Variants in ALG8 observed in about 807,000 individuals in gnomAD.
The protein encoded by ALG8 is ALG8 alpha-1,3-glucosyltransferase, also known as dolichyl pyrophosphate Glc1Man9GlcNAc2 alpha-1,3-glucosyltransferase.
A neutral mutation model predicts 70.2 loss-of-function variants in ALG8; 48 were observed. The observed-to-expected ratio is 0.68, with a 90% CI of 0.54 to 0.87. The LOEUF is 0.87. Ranked by LOEUF, ALG8 falls within the 40% of genes least tolerant of loss-of-function variation. ALG8 has a pLI of 0.00. For missense variants in ALG8, 572 were observed against 608.7 expected (o/e 0.94, Z 0.64); for synonymous variants, 234 against 229.0 (o/e 1.02, Z -0.20).
At chr11:78,121,600 G>A (rs1860829340) in intron 3 of ALG8, among the ~76,000 whole-genome samples, 1 of 150,978 alleles carries the variant, frequency 6.6e-6, no homozygotes. Flanking sequence ...CAAGGACCTC[G>A]GGGCCTGTTC....
intron 2 of ALG8, among the ~76,000 whole-genome samples, chr11:78,126,163 A>T (rs10899441): frequency 0.44 from 67,432 of 151,648 alleles, 15,076 homozygotes; most frequent in Non-Finnish European, 0.46. Flanking sequence ...CGTCTCAAAA[A>T]AAAAAGAAGA....
intron 3 of ALG8, among the ~76,000 whole-genome samples, chr11:78,123,730 C>A (rs1461496989): frequency 1.3e-5 from 2 of 152,178 alleles, no homozygotes; most frequent in African/African-American, 4.8e-5. Context: ...TGGAGCTATT[C>A]TGGGTGGGAG....
intron 3 of ALG8, among the ~76,000 whole-genome samples, chr11:78,121,800 C>A (rs945266873): frequency 1.3e-5 from 2 of 152,058 alleles, no homozygotes; most frequent in Non-Finnish European, 2.9e-5. Context: ...TAATACCAGC[C>A]AAATTAAGAA....
chr11:78,112,587 T>C (rs958037817), intron 8 of ALG8, 63 bp downstream of exon 8: 1 of 1,604,008 alleles, frequency 6.2e-7, no homozygotes, highest in Non-Finnish European at 8.5e-7. Flanking sequence ...GTTTTTCCAT[T>C]TCTCCATGTG....
rs117882764 is a variant in ALG8, at chr11:78,133,999, G to A, written c.95+5495C>T. 2.6e-4 allele frequency among the ~76,000 whole-genome samples: 40 copies of A among 152,056 alleles called. No individual in the cohort carries two copies. The East Asian group carries it at 5.2e-3, about 20-fold the overall frequency. ...CACCTTCATTTTAAAATACTTTATC[G>A]CTAAAACAAAGCTAATGATCATCTG... On this transcript the variant is annotated intron_variant, in intron 1 of 12. Transcript: ENST00000299626.
In ALG8 at chr11:78,113,670, G is replaced by A. The variant is rs553756974; in HGVS notation, c.777+216C>T. 5.5e-5 allele frequency among the ~76,000 whole-genome samples: 8 copies of A among 146,188 alleles called. No individual in the cohort carries two copies. In the East Asian group the frequency reaches 1.6e-3, roughly 29 times the overall value. Reference sequence around the variant, plus strand: ...GGAGGTTGCAGTGAGCCGAGATCACGCCACTGCATTCCAGCCTGGGCGACA... The same window carrying A: ...GGAGGTTGCAGTGAGCCGAGATCACACCACTGCATTCCAGCCTGGGCGACA... On this transcript the variant is annotated intron_variant, in intron 7 of 12. Coordinates refer to ENST00000299626, the MANE Select transcript of ALG8 (RefSeq NM_024079.5).
chr11:78,118,398 T>A (rs1488029969), intron 5 of ALG8, among the ~76,000 whole-genome samples: 1 of 151,766 alleles, frequency 6.6e-6, no homozygotes, highest in Non-Finnish European at 1.5e-5. Context: ...GGCGGAACAC[T>A]TGAGGTCAGG....
intron 1 of ALG8, chr11:78,139,194 A>T (rs1861688151): frequency 4.5e-6 from 2 of 439,684 alleles, no homozygotes; most frequent in Non-Finnish European, 8.4e-6. Context: ...GGCATCTGAT[A>T]ATACTGGCTG....
chr11:78,123,448 A>T (rs1025434231), intron 3 of ALG8, among the ~76,000 whole-genome samples: 7 of 152,192 alleles, frequency 4.6e-5, no homozygotes, highest in African/African-American at 1.7e-4. Flanking sequence ...AAATTAACTT[A>T]TAAGTAAAAG....
chr11:78,113,850 A>G, intron 7 of ALG8, 36 bp downstream of exon 7: 2 of 1,420,662 alleles, frequency 1.4e-6, no homozygotes, highest in Non-Finnish European at 1.9e-6. Flanking sequence ...AACAAAGAAC[A>G]TGTATTAATT....
Position 78,139,552 on chromosome 11 carries a change from A to C in ALG8, c.37T>G (p.Trp13Gly), listed in dbSNP as rs563874102. The stretch of plus-strand genomic sequence containing the variant: ...ACCCCGAGCGCCAAAGCCGAAAACC[A>C]ATTGCCAGTACCCGTGGCAATTGTG... ...ALTIATGTGNWFSALALGVTL... is the reference protein window; with the variant it reads ...ALTIATGTGNGFSALALGVTL... Residue 13 changes from tryptophan to glycine, a missense_variant, in exon 1 of 13, where the codon TGG becomes GGG. Transcript: ENST00000299626. 1 of 1,562,054 alleles carries C rather than the reference A, an allele frequency of 6.4e-7. No homozygotes were observed. Among genetic ancestry groups the C allele is most frequent in the South Asian group, 1.2e-5 (1 of 84,758 alleles).
At chr11:78,133,930 T>C (rs912731556) in intron 1 of ALG8, among the ~76,000 whole-genome samples, 3 of 151,962 alleles carry the variant, frequency 2.0e-5, no homozygotes, top group Non-Finnish European at 4.4e-5. Context: ...GTTTACACTA[T>C]ACTATAAAAC....
chr11:78,131,075 G>A (rs1268570780), intron 1 of ALG8, among the ~76,000 whole-genome samples: 1 of 151,822 alleles, frequency 6.6e-6, no homozygotes, highest in Non-Finnish European at 1.5e-5. Flanking sequence ...TTCCTATATA[G>A]TTGTACTATA....
At chr11:78,138,707 T>C (rs1240185348) in intron 1 of ALG8, 1 of 456,198 alleles carries the variant, frequency 2.2e-6, no homozygotes, top group Non-Finnish European at 4.4e-6. Flanking sequence ...ACTGAGTACC[T>C]ACTGTATACA....
intron 10 of ALG8, among the ~76,000 whole-genome samples, chr11:78,105,385 G>C (rs1008057938): frequency 2.0e-5 from 3 of 151,962 alleles, no homozygotes; most frequent in African/African-American, 7.3e-5. Context: ...GGTTTTTTTA[G>C]CATGGCATAG....
intron 4 of ALG8, among the ~76,000 whole-genome samples, chr11:78,120,657 T>C (rs1860780209): frequency 6.6e-6 from 1 of 152,224 alleles, no homozygotes; most frequent in African/African-American, 2.4e-5. Context: ...CTTTGCCTTT[T>C]AATATGTGGT....
chr11:78,106,711 T>C, intron 10 of ALG8, 96 bp downstream of exon 10: 5 of 1,539,768 alleles, frequency 3.2e-6, no homozygotes, highest in Non-Finnish European at 4.5e-6. Flanking sequence ...TGTTTTTGCC[T>C]ATCCTGGTGA....
At position 78,112,639 on chromosome 11, in the gene ALG8, C is replaced by G. The variant is rs750873320; in HGVS notation, c.898+11G>C. 4.3e-6 allele frequency: 7 copies of G among 1,613,244 alleles called. No homozygotes were observed. In the East Asian group the frequency reaches 1.6e-4, roughly 36 times the overall value. ...ATTCAGAGTCTGAGTAAAAAATGCT[C>G]GCTACCATACCGATGACAGACAGCA... On this transcript the variant is annotated intron_variant, in intron 8 of 12. Coordinates refer to ENST00000299626, the MANE Select transcript of ALG8 (RefSeq NM_024079.5).
chr11:78,135,864 G>GA (rs57209723), intron 1 of ALG8, among the ~76,000 whole-genome samples: 61,124 of 140,640 alleles, frequency 0.43, 13,114 homozygotes, highest in Non-Finnish European at 0.46. Flanking sequence ...AAATAAATAA[G>GA]AAAAAAAAAA....
Sources: gnomAD v4.1 joint callset for allele counts (sites outside exome capture counted in the v4.1 genomes callset) on GRCh38, gnomAD v4.1.1 for gene constraint, MANE v1.5 for transcripts, NCBI Gene and HGNC (gene_info 2026-07-23, HGNC 2026-07-21) for gene names.